SNAP91: variants seen among roughly 807,000 people sequenced by gnomAD.
The protein encoded by SNAP91 is synaptosome associated protein 91, also known as clathrin coat assembly protein AP180.
A neutral mutation model predicts 100.3 loss-of-function variants in SNAP91; 27 were observed. The ratio of observed to expected loss-of-function variants is 0.27; its 90% CI spans 0.20 to 0.37. The LOEUF (loss-of-function observed/expected upper bound fraction) is 0.37, where lower values mean the gene tolerates loss of function less well. Ranked by LOEUF, SNAP91 falls within the 10% of genes least tolerant of loss-of-function variation. The pLI, the probability that SNAP91 is intolerant of heterozygous loss-of-function variation, is 1.00. For synonymous variants in SNAP91, 404 were observed against 398.6 expected (o/e 1.01, Z -0.16); for missense variants, 986 against 1,123.7 (o/e 0.88, Z 1.75).
intron 11 of SNAP91, among the ~76,000 whole-genome samples, chr6:83,613,690 C>A (rs1375846046): frequency 6.6e-6 from 1 of 152,186 alleles, no homozygotes; most frequent in Non-Finnish European, 1.5e-5. Context: ...TTCCAACCCC[C>A]AAAACACAGA....
At chr6:83,557,092 T>G (rs1047470134) in intron 28 of SNAP91, among the ~76,000 whole-genome samples, 1 of 152,182 alleles carries the variant, frequency 6.6e-6, no homozygotes, top group African/African-American at 2.4e-5. Context: ...TCTAAATTAT[T>G]TTTTCATTGT....
At chr6:83,559,076 A>T (rs566954108) in intron 28 of SNAP91, among the ~76,000 whole-genome samples, 1 of 152,310 alleles carries the variant, frequency 6.6e-6, no homozygotes, top group Admixed American at 6.5e-5. Context: ...AAATCCTTAT[A>T]ATTTCTCAAA....
intron 2 of SNAP91, among the ~76,000 whole-genome samples, chr6:83,684,070 T>C (rs1286017933): frequency 6.6e-6 from 1 of 152,208 alleles, no homozygotes; most frequent in Non-Finnish European, 1.5e-5. Context: ...CTCAAAAGTA[T>C]AGTTCTAAAT....
intron 22 of SNAP91, among the ~76,000 whole-genome samples, chr6:83,585,276 T>C (rs2092261030): frequency 6.6e-6 from 1 of 152,116 alleles, no homozygotes; most frequent in Non-Finnish European, 1.5e-5. Context: ...GGGGAGGCTG[T>C]GGCAGAAGGA....
At chr6:83,634,048 A>G (rs977782510) in intron 8 of SNAP91, among the ~76,000 whole-genome samples, 6 of 152,132 alleles carry the variant, frequency 3.9e-5, no homozygotes, top group African/African-American at 1.2e-4. Flanking sequence ...ACATGTATAC[A>G]TATGTAACAA....
chr6:83,600,709 T>C (rs1227775017), intron 16 of SNAP91, among the ~76,000 whole-genome samples: 1 of 152,184 alleles, frequency 6.6e-6, no homozygotes, highest in African/African-American at 2.4e-5. Context: ...TTTCTCAGAG[T>C]TCCAAAACCA....
At chr6:83,566,985 C>A (rs1797543715) in intron 26 of SNAP91, among the ~76,000 whole-genome samples, 1 of 152,170 alleles carries the variant, frequency 6.6e-6, no homozygotes, top group Non-Finnish European at 1.5e-5. Flanking sequence ...CTTAAATAAA[C>A]TCTGTTAAAC....
In SNAP91 at chr6:83,657,442, G is replaced by A. The variant is rs527697423; in HGVS notation, c.547-577C>T. 3.3e-5 allele frequency among the ~76,000 whole-genome samples: 5 copies of A among 151,690 alleles called. No individual in the cohort carries two copies. The South Asian group carries it at 1.1e-3, about 32-fold the overall frequency. On this transcript the variant is annotated intron_variant, in intron 6 of 29. Coordinates refer to ENST00000369694, the MANE Select transcript of SNAP91 (RefSeq NM_001242792.2). ...TCTTTTAAGACAGAACCCTTACTAA[G>A]GTCAAGGAAAGTAAAGAAAAATAAA... is the stretch of plus-strand genomic sequence containing the variant.
At chr6:83,574,071 A>AT (rs1813621674) in intron 26 of SNAP91, among the ~76,000 whole-genome samples, 1 of 152,198 alleles carries the variant, frequency 6.6e-6, no homozygotes, top group Non-Finnish European at 1.5e-5. Context: ...TACTTCTTGC[A>AT]TGTTTGTTTG....
rs115828319 is a variant in SNAP91 at position 83,650,408 on chromosome 6, G to A, written c.658+6346C>T. Among the ~76,000 whole-genome samples, 608 of 152,148 alleles carry A rather than the reference G, an allele frequency of 4.0e-3. 4 individuals are homozygous for A. Among genetic ancestry groups the A allele is most frequent in the African/African-American group, 0.014 (591 of 41,534 alleles). On this transcript the variant is annotated intron_variant, in intron 7 of 29. Transcript: ENST00000369694. ...ATTAGCTATTTAATAGCCTGGCTTG[G>A]TAATCTAATAGTCAAATTAATTTTT...
intron 11 of SNAP91, 28 bp downstream of exon 11, chr6:83,614,829 C>T: frequency 6.4e-7 from 1 of 1,551,988 alleles, no homozygotes; most frequent in Non-Finnish European, 8.7e-7. Context: ...TTACCAAATG[C>T]AAAAAACTCA....
At chr6:83,661,718 A>C in intron 4 of SNAP91, 114 bp from the exon 5 acceptor site, 1 of 529,544 alleles carries the variant, frequency 1.9e-6, no homozygotes, top group Non-Finnish European at 3.3e-6. Context: ...GGATAGGGTC[A>C]ATAACTGTAT....
At chr6:83,638,188 C>A (rs73751563) in intron 8 of SNAP91, among the ~76,000 whole-genome samples, 2,519 of 152,246 alleles carry the variant, frequency 0.017, 73 homozygotes, top group African/African-American at 0.055. Context: ...TGGCTCCGAG[C>A]AGGTTTCCCG....
At chr6:83,665,309 G>T in intron 3 of SNAP91, 130 bp downstream of exon 3, 2 of 856,090 alleles carry the variant, frequency 2.3e-6, no homozygotes, top group Non-Finnish European at 3.5e-6. Context: ...TATTCTAGAT[G>T]ATCCGGAACT....
At chr6:83,685,089 A>G (rs2099042848) in intron 2 of SNAP91, among the ~76,000 whole-genome samples, 1 of 152,232 alleles carries the variant, frequency 6.6e-6, no homozygotes, top group African/African-American at 2.4e-5. Flanking sequence ...TCAGTGTCTA[A>G]ACAAGACAAG....
At chr6:83,581,442 T>G (rs985758089) in intron 23 of SNAP91, among the ~76,000 whole-genome samples, 1 of 152,208 alleles carries the variant, frequency 6.6e-6, no homozygotes, top group African/African-American at 2.4e-5. Context: ...ATACAGAAAG[T>G]CCATTCAAAA....
At chr6:83,635,987 A>G (rs2097426615) in intron 8 of SNAP91, among the ~76,000 whole-genome samples, 1 of 152,212 alleles carries the variant, frequency 6.6e-6, no homozygotes, top group South Asian at 2.1e-4. Flanking sequence ...TAAGAATACT[A>G]AAAATAGGCT....
intron 2 of SNAP91, among the ~76,000 whole-genome samples, chr6:83,687,527 G>A (rs2099076063): frequency 6.6e-6 from 1 of 152,096 alleles, no homozygotes; most frequent in African/African-American, 2.4e-5. Flanking sequence ...CTCATCTCGG[G>A]CAGAGGCCAC....
At chr6:83,637,951 G>A (rs2097532523) in intron 8 of SNAP91, among the ~76,000 whole-genome samples, 1 of 152,132 alleles carries the variant, frequency 6.6e-6, no homozygotes, top group Non-Finnish European at 1.5e-5. Context: ...CTGCTTCCAG[G>A]CCACCAGCAA....
Sources: gnomAD v4.1 joint callset for allele counts (sites outside exome capture counted in the v4.1 genomes callset) on GRCh38, gnomAD v4.1.1 for gene constraint, MANE v1.5 for transcripts, NCBI Gene and HGNC (gene_info 2026-07-23, HGNC 2026-07-21) for gene names.